CMKLR1: variants seen among roughly 807,000 people sequenced by gnomAD.
The protein encoded by CMKLR1 is chemerin-like receptor 1.
In CMKLR1, 6 loss-of-function variants were observed where a neutral mutation model predicts 8.2. The ratio of observed to expected loss-of-function variants is 0.73; its 90% CI spans 0.40 to 1.44. CMKLR1 has a LOEUF of 1.44. Ranked by LOEUF, CMKLR1 falls within the 40% of genes most tolerant of loss-of-function variation. The probability of loss-of-function intolerance (pLI) is 0.02; values close to 1 mark genes in which losing one functional copy is unlikely to be tolerated. For missense variants in CMKLR1, 429 were observed against 478.0 expected, an observed-to-expected ratio of 0.90 and a Z score of 0.96; for synonymous variants, 178 against 181.2, an observed-to-expected ratio of 0.98 and a Z score of 0.14.
intron 1 of CMKLR1, among the ~76,000 whole-genome samples, chr12:108,334,756 T>C (rs1892182894): frequency 6.6e-6 from 1 of 152,238 alleles, no homozygotes; most frequent in Non-Finnish European, 1.5e-5. Flanking sequence ...CTGTGTGACC[T>C]TAGGCAAGTC....
At position 108,291,143 on chromosome 12, in the gene CMKLR1, G is replaced by A. The variant is rs909116202; in HGVS notation, c.*698C>T. On this transcript the variant is annotated 3_prime_UTR_variant, in exon 4 of 4. Transcript: ENST00000550402. The stretch of plus-strand genomic sequence containing the variant: ...TGCTCCATGCCTGCATCCTTTAAAG[G>A]TTCTTTTCTCCTTTCTCATTTCTTT... 6.6e-6 allele frequency: 1 copy of A among 152,394 alleles called. No individual in the cohort carries two copies. Among genetic ancestry groups the A allele is most frequent in the East Asian group, 1.9e-4 (1 of 5,204 alleles). The allele number at this position is 152,394 out of a possible 1,614,324, so 9.4% of individuals were successfully genotyped here. A position where few individuals can be genotyped will look rare whatever the true frequency, so the allele number is the denominator to read the frequency against.
intron 1 of CMKLR1, among the ~76,000 whole-genome samples, chr12:108,332,792 C>T (rs1363992183): frequency 6.6e-6 from 1 of 152,012 alleles, no homozygotes; most frequent in East Asian, 1.9e-4. Flanking sequence ...CTAAGAGAAC[C>T]CTGACTAATA....
intron 2 of CMKLR1, among the ~76,000 whole-genome samples, chr12:108,302,807 G>A (rs1350387495): frequency 1.3e-5 from 2 of 152,186 alleles, no homozygotes; most frequent in Non-Finnish European, 2.9e-5. Flanking sequence ...ACATTAGAAT[G>A]GCTCCATGGG....
At chr12:108,325,807 C>T (rs1566029109) in intron 2 of CMKLR1, among the ~76,000 whole-genome samples, 1 of 152,232 alleles carries the variant, frequency 6.6e-6, no homozygotes, top group Admixed American at 6.5e-5. Flanking sequence ...CAGCCACCAA[C>T]ACCACATCCT....
intron 2 of CMKLR1, among the ~76,000 whole-genome samples, chr12:108,302,394 A>G (rs1031517451): frequency 1.3e-5 from 2 of 152,148 alleles, no homozygotes; most frequent in Admixed American, 6.5e-5. Context: ...TCGTTTTTGG[A>G]TATGTCTTCT....
chr12:108,300,337 T>C (rs1891235718), intron 2 of CMKLR1, among the ~76,000 whole-genome samples: 1 of 152,198 alleles, frequency 6.6e-6, no homozygotes, highest in South Asian at 2.1e-4. Context: ...TTTATAACTC[T>C]ATTTTGAAAT....
At chr12:108,326,288 G>A (rs1480720870) in intron 2 of CMKLR1, among the ~76,000 whole-genome samples, 3 of 152,138 alleles carry the variant, frequency 2.0e-5, no homozygotes, top group East Asian at 3.9e-4. Context: ...CCAACCAAAA[G>A]CCTCCCCTTC....
intron 2 of CMKLR1, among the ~76,000 whole-genome samples, chr12:108,314,721 A>G (rs1041344016): frequency 1.3e-5 from 2 of 151,126 alleles, no homozygotes; most frequent in African/African-American, 4.9e-5. Flanking sequence ...TAAGTGGGAC[A>G]CTACTCTTTC....
At chr12:108,318,141 G>T (rs1891777348) in intron 2 of CMKLR1, among the ~76,000 whole-genome samples, 1 of 152,204 alleles carries the variant, frequency 6.6e-6, no homozygotes. Flanking sequence ...CACTTGAGTT[G>T]CTTCCGGTTT....
chr12:108,337,436 T>A (rs1263120664), intron 1 of CMKLR1, among the ~76,000 whole-genome samples: 3 of 152,274 alleles, frequency 2.0e-5, no homozygotes, highest in African/African-American at 4.8e-5. Flanking sequence ...ATATGCTAGT[T>A]CTTGTGCAGG....
At chr12:108,335,225 C>T (rs1210364325) in intron 1 of CMKLR1, among the ~76,000 whole-genome samples, 1 of 152,200 alleles carries the variant, frequency 6.6e-6, no homozygotes, top group Non-Finnish European at 1.5e-5. Flanking sequence ...GAAAGAGCTG[C>T]TCTTTGCCAA....
chr12:108,301,142 C>A (rs1026674272), intron 2 of CMKLR1, among the ~76,000 whole-genome samples: 2 of 137,386 alleles, frequency 1.5e-5, no homozygotes, highest in Admixed American at 8.3e-5. Context: ...GTGGTGCGAT[C>A]TCAGCTTACT....
chr12:108,336,337 G>A (rs942931494), intron 1 of CMKLR1, among the ~76,000 whole-genome samples: 6 of 152,150 alleles, frequency 3.9e-5, no homozygotes, highest in African/African-American at 1.4e-4. Context: ...ACAAGGTCAG[G>A]AGATTGAGAC....
chr12:108,292,091 C>A lies in CMKLR1; in HGVS notation c.872G>T (p.Gly291Val). The A allele has an allele frequency of 6.2e-7, 1 of 1,614,160 alleles. No individual in the cohort carries two copies. The highest frequency in any genetic ancestry group is 1.6e-4 in the Middle Eastern group (1 of 6,062). Residue 291 changes from glycine to valine, a missense_variant, in exon 4 of 4, where the codon GGC (glycine) becomes GTC (valine). Transcript: ENST00000550402. Reference protein sequence around the residue: ...LLELHHTAMPGSVFSLGLPLA... With the variant: ...LLELHHTAMPVSVFSLGLPLA... ...GGGCAAACCCAGGCTGAAGACAGAGCCAGGCATGGCAGTGTGGTGGAGCTC... is the reference window on the plus strand; with the variant it reads ...GGGCAAACCCAGGCTGAAGACAGAGACAGGCATGGCAGTGTGGTGGAGCTC...
rs543086052 is a variant in CMKLR1 at position 108,307,208 on chromosome 12, T to C, written c.-73-13544A>G. On this transcript the variant is annotated intron_variant, in intron 2 of 3. Transcript: ENST00000550402. ...AAAGGGTGGCTGGTGCTGGGGATGCTTACAGCTTGCTCAGGATGTGGTCAA... is the reference window on the plus strand; with the variant it reads ...AAAGGGTGGCTGGTGCTGGGGATGCCTACAGCTTGCTCAGGATGTGGTCAA... Among the ~76,000 whole-genome samples the C allele has an allele frequency of 3.3e-4, 50 of 152,328 alleles. No homozygotes were observed. In the South Asian group the frequency reaches 8.3e-3, roughly 25 times the overall value.
chr12:108,310,163 CTGTG>C (rs35140046), intron 2 of CMKLR1, among the ~76,000 whole-genome samples: 24,632 of 142,298 alleles, frequency 0.17, 2,079 homozygotes, highest in African/African-American at 0.21. Flanking sequence ...TGGTTAGGGG[CTGTG>C]TGTGTGTGTG....
rs1348359659 is a variant in CMKLR1, at chr12:108,292,177, A to G, written c.786T>C (p.Ile262=). The change falls in exon 4 of 4, where the codon ATT becomes ATC. Residue 262 remains isoleucine, a synonymous_variant. Coordinates refer to ENST00000550402, the MANE Select transcript of CMKLR1 (RefSeq NM_001142343.2). ...GGAAGAAGGTAATGATGATGGTCAC[A>G]ATAATCTTGAAGGGCTTCTTGGTCT... ...LAKTKKPFKI[I]VTIIITFFLC... is the part of the protein sequence containing the mutation. 8 of 1,614,060 alleles carry G rather than the reference A, an allele frequency of 5.0e-6. No individual in the cohort carries two copies. The highest frequency in any genetic ancestry group is 5.9e-6 in the Non-Finnish European group (7 of 1,180,048).
chr12:108,327,484 AAGAG>A (rs1392234022), intron 2 of CMKLR1, among the ~76,000 whole-genome samples: 1 of 152,198 alleles, frequency 6.6e-6, no homozygotes, highest in Non-Finnish European at 1.5e-5. Flanking sequence ...TGTCTCTTAA[AAGAG>A]AGAAAGAGAT....
In CMKLR1 at chr12:108,292,757, A is replaced by C; in HGVS notation, c.206T>G (p.Met69Arg). 1.2e-6 allele frequency: 2 copies of C among 1,614,224 alleles called. No individual in the cohort carries two copies. Among genetic ancestry groups the C allele is most frequent in the Non-Finnish European group, 1.7e-6 (2 of 1,180,044 alleles). ...CCAGACCATGTTCACTGTCTTCTTC[A>C]TCTTGAAGGTGGCAATGATGATCAC... ...GLVIIIATFK[M>R]KKTVNMVWFL... The change falls in exon 4 of 4, where the codon ATG becomes AGG. Residue 69 changes from methionine (M) to arginine (R), a missense_variant. Physicochemically the swap from Met to Arg is moderately conservative, Grantham distance 91. Coordinates refer to ENST00000550402, the MANE Select transcript of CMKLR1 (RefSeq NM_001142343.2).
Sources: gnomAD v4.1 joint callset for allele counts (sites outside exome capture counted in the v4.1 genomes callset) on GRCh38, gnomAD v4.1.1 for gene constraint, MANE v1.5 for transcripts, NCBI Gene and HGNC (gene_info 2026-07-23, HGNC 2026-07-21) for gene names.